The following RPH3AL variants were observed in gnomAD, a reference collection of about 807,000 sequenced individuals.
RPH3AL encodes the protein rabphilin 3A like (without C2 domains), also known as rab effector Noc2.
Under a neutral mutation model 43.1 loss-of-function variants are expected in RPH3AL, and 38 were observed. The ratio of observed to expected loss-of-function variants is 0.88; its 90% CI spans 0.68 to 1.15. The LOEUF (loss-of-function observed/expected upper bound fraction) is 1.15. Among genes scored for constraint, RPH3AL ranks in the 50% most tolerant of loss-of-function variants. The pLI is 0.00. For synonymous variants in RPH3AL, 189 were observed against 176.3 expected, an observed-to-expected ratio of 1.07 and a Z score of -0.57; for missense variants, 462 against 423.2, an observed-to-expected ratio of 1.09 and a Z score of -0.81.
chr17:240,923 A>G (rs2041514287), intron 7 of RPH3AL, among the ~76,000 whole-genome samples: 1 of 151,840 alleles, frequency 6.6e-6, no homozygotes, highest in Non-Finnish European at 1.5e-5. Flanking sequence ...CTCGGCGTGT[A>G]GCGGGCGCCT....
chr17:243,610 G>T (rs1279064053), intron 7 of RPH3AL, among the ~76,000 whole-genome samples: 2 of 123,420 alleles, frequency 1.6e-5, no homozygotes, highest in African/African-American at 3.2e-5. Flanking sequence ...TTCCTCTATT[G>T]ATTACCTTCC....
At chr17:315,385 C>T (rs1555519879) in intron 5 of RPH3AL, among the ~76,000 whole-genome samples, 2 of 152,356 alleles carry the variant, frequency 1.3e-5, no homozygotes, top group African/African-American at 4.8e-5. Context: ...CTGTGCCCCA[C>T]CTCCATTGAC....
Position 246,568 on chromosome 17 carries a change from A to G in RPH3AL, c.613+543T>C, listed in dbSNP as rs1028369304. Among the ~76,000 whole-genome samples the G allele has an allele frequency of 6.6e-6, 1 of 152,186 alleles. No homozygotes were observed. Among genetic ancestry groups the G allele is most frequent in the Non-Finnish European group, 1.5e-5 (1 of 68,028 alleles). ...TCATGAAAGCTGCGGAGAACGGTCC[A>G]CAACCAGGCGCCCCCATCGTTGCCA... On this transcript the variant is annotated intron_variant, in intron 7 of 9. Transcript: ENST00000331302. This position sits in a 1 kb window ranked among gnomAD's most constrained non-coding sequence, Gnocchi z 4.8.
chr17:214,050 T>C (rs569426619), intron 9 of RPH3AL, 127 bp from the exon 10 acceptor site: 2 of 698,214 alleles, frequency 2.9e-6, no homozygotes, highest in African/African-American at 3.6e-5. Flanking sequence ...GCTGACAGCA[T>C]CCGTGCCTCA....
chr17:290,458 G>A lies in RPH3AL; in HGVS notation c.352-8604C>T, dbSNP rs370474135. ...CTCCTGCCTGCCTCCCCCGGGGTGC[G>A]TGCCGCGGCCGCCTATGTGTGCAGA... On this transcript the variant is annotated intron_variant, in intron 5 of 9. Coordinates refer to ENST00000331302, the MANE Select transcript of RPH3AL (RefSeq NM_006987.4). The surrounding 1 kb of genome is among the most constrained non-coding windows in gnomAD (Gnocchi z 4.2). 1.8e-4 allele frequency among the ~76,000 whole-genome samples: 28 copies of A among 152,100 alleles called. No individual in the cohort carries two copies. The highest frequency in any genetic ancestry group is 8.5e-4 in the Admixed American group (13 of 15,266).
At chr17:351,522 C>G (rs1227981329) in intron 1 of RPH3AL, among the ~76,000 whole-genome samples, 1 of 152,106 alleles carries the variant, frequency 6.6e-6, no homozygotes, top group Non-Finnish European at 1.5e-5. Context: ...GACCCACCTC[C>G]CATCTCCACC....
chr17:330,197 C>T (rs994562686), intron 2 of RPH3AL, among the ~76,000 whole-genome samples: 8 of 152,252 alleles, frequency 5.3e-5, no homozygotes, highest in Non-Finnish European at 1.0e-4. Flanking sequence ...ACAACCTTAA[C>T]CACACTGGTC....
At chr17:258,468 G>C (rs1567591901) in intron 6 of RPH3AL, among the ~76,000 whole-genome samples, 1 of 152,206 alleles carries the variant, frequency 6.6e-6, no homozygotes. Flanking sequence ...GAGGGATAAA[G>C]AGGAAGGGCT....
At position 337,760 on chromosome 17, in the gene RPH3AL, G is replaced by A. The variant is rs151127656; in HGVS notation, c.-212-3826C>T. Among the ~76,000 whole-genome samples the A allele has an allele frequency of 2.5e-3, 372 of 151,812 alleles. 2 individuals are homozygous for A. Among genetic ancestry groups the A allele is most frequent in the Non-Finnish European group, 3.3e-3 (226 of 68,040 alleles). ...GCCCAGCCGCTCAGTCTCGCTGCTC[G>A]AGGGCTGGGCAGGGGTTTTTTTTGT... On this transcript the variant is annotated intron_variant, in intron 1 of 9. Transcript: ENST00000331302.
At chr17:266,143 A>AC (rs1395325102) in intron 6 of RPH3AL, among the ~76,000 whole-genome samples, 1 of 152,010 alleles carries the variant, frequency 6.6e-6, no homozygotes, top group Non-Finnish European at 1.5e-5. Flanking sequence ...GCGAAGTGAG[A>AC]CCCCTTCCAG....
At chr17:291,159 G>A (rs2043039526) in intron 5 of RPH3AL, among the ~76,000 whole-genome samples, 1 of 152,190 alleles carries the variant, frequency 6.6e-6, no homozygotes, top group Admixed American at 6.5e-5. Flanking sequence ...CTGTAGGGAA[G>A]GCATTATTCT....
At chr17:316,563 C>T (rs1340763070) in intron 5 of RPH3AL, among the ~76,000 whole-genome samples, 5 of 143,708 alleles carry the variant, frequency 3.5e-5, no homozygotes, top group East Asian at 2.2e-4. Flanking sequence ...ACATGTAGTC[C>T]CTGTGCCCCA....
chr17:321,430 G>C lies in RPH3AL; in HGVS notation c.78-15C>G. 4 of 1,580,040 alleles carry C rather than the reference G, an allele frequency of 2.5e-6. No homozygotes were observed. The highest frequency in any genetic ancestry group is 3.4e-6 in the Non-Finnish European group (4 of 1,162,992). On this transcript the variant is annotated splice_polypyrimidine_tract_variant and intron_variant, in intron 3 of 9. Transcript: ENST00000331302. Reference sequence around the variant, plus strand: ...CCGTCTGCAGCCTCGAGAGGGAACAGCACAGACGGCGTGGAGGCCTCCCCG... The same window carrying C: ...CCGTCTGCAGCCTCGAGAGGGAACACCACAGACGGCGTGGAGGCCTCCCCG...
At chr17:315,122 G>C (rs1598090616) in intron 5 of RPH3AL, among the ~76,000 whole-genome samples, 1 of 149,264 alleles carries the variant, frequency 6.7e-6, no homozygotes. Context: ...CCATTGACCT[G>C]TAGTCTCTGT....
intron 6 of RPH3AL, among the ~76,000 whole-genome samples, chr17:262,449 C>CCA (rs1353265823): frequency 1.3e-5 from 2 of 152,140 alleles, no homozygotes; most frequent in Non-Finnish European, 2.9e-5. Flanking sequence ...CTGCTGACCT[C>CCA]GTGATCCACC....
intron 7 of RPH3AL, among the ~76,000 whole-genome samples, chr17:228,820 A>G (rs1250217462): frequency 6.6e-6 from 1 of 151,968 alleles, no homozygotes; most frequent in Non-Finnish European, 1.5e-5. Context: ...TCTCCCCACC[A>G]TGCTCTTCTG....
At chr17:342,977 G>T (rs2045156110) in intron 1 of RPH3AL, among the ~76,000 whole-genome samples, 1 of 152,180 alleles carries the variant, frequency 6.6e-6, no homozygotes. Context: ...AGGCATGTAA[G>T]TTTCACTATA....
At chr17:233,857 G>A (rs1228791897) in intron 7 of RPH3AL, among the ~76,000 whole-genome samples, 32 of 138,080 alleles carry the variant, frequency 2.3e-4, no homozygotes, top group African/African-American at 8.1e-4. Flanking sequence ...CAACTTCCCT[G>A]AGCAGGGAGC....
rs752086788 is a variant in RPH3AL, at chr17:219,669, G to A, written c.681C>T (p.Ser227=). 1.2e-6 allele frequency: 2 copies of A among 1,613,572 alleles called. No homozygotes were observed. Among genetic ancestry groups the A allele is most frequent in the Non-Finnish European group, 1.7e-6 (2 of 1,179,892 alleles). Residue 227 remains serine, a synonymous_variant, in exon 8 of 10, where the codon TCC becomes TCT. Transcript: ENST00000331302. ...SSSSLEDRLP[S]TGVRDRKGDK... is the part of the protein sequence containing the mutation. ...CGCCTTTCCGGTCCCTGACCCCAGT[G>A]GATGGGAGTCTGTCCTCTAGGCTGG...
Sources: allele counts gnomAD v4.1 joint callset (sites outside exome capture counted in the v4.1 genomes callset), GRCh38; gene constraint gnomAD v4.1.1; non-coding constraint Gnocchi (gnomAD v3.1); transcripts MANE v1.5; gene names NCBI Gene and HGNC (gene_info 2026-07-23, HGNC 2026-07-21).